The following GRM7 variants were observed in gnomAD, a reference collection of about 807,000 sequenced individuals.
GRM7 encodes the protein metabotropic glutamate receptor 7.
A neutral mutation model predicts 84.5 loss-of-function variants in GRM7; 35 were observed. The ratio of observed to expected loss-of-function variants is 0.41; its 90% confidence interval spans 0.32 to 0.55. The LOEUF (loss-of-function observed/expected upper bound fraction) is 0.55, where lower values mean the gene tolerates loss of function less well. Among genes scored for constraint, GRM7 ranks in the 20% least tolerant of loss-of-function variants. GRM7 has a pLI of 0.19. For missense variants in GRM7, 1,003 were observed against 1,194.6 expected, an observed-to-expected ratio of 0.84 and a Z score of 2.36; for synonymous variants, 487 against 455.1, an observed-to-expected ratio of 1.07 and a Z score of -0.89.
intron 9 of GRM7, among the ~76,000 whole-genome samples, chr3:7,692,897 T>C (rs1457812024): frequency 2.0e-5 from 3 of 152,092 alleles, no homozygotes; most frequent in African/African-American, 7.2e-5. Flanking sequence ...AAAGATTAGA[T>C]AGGTCCTCCA....
intron 9 of GRM7, among the ~76,000 whole-genome samples, chr3:7,730,417 G>A (rs1320405843): frequency 6.6e-6 from 1 of 152,178 alleles, no homozygotes; most frequent in Non-Finnish European, 1.5e-5. Context: ...CATCCCTATT[G>A]CCTAAAACAG....
intron 8 of GRM7, among the ~76,000 whole-genome samples, chr3:7,649,449 T>C (rs1361970010): frequency 6.6e-6 from 1 of 152,200 alleles, no homozygotes; most frequent in Non-Finnish European, 1.5e-5. Flanking sequence ...AAAATAAACC[T>C]TTTTGATGAA....
At chr3:7,677,117 C>T (rs1180621891) in intron 8 of GRM7, among the ~76,000 whole-genome samples, 2 of 151,878 alleles carry the variant, frequency 1.3e-5, no homozygotes, top group Non-Finnish European at 2.9e-5. Flanking sequence ...AAAAAATTAG[C>T]CGGGCGCGGT....
chr3:7,006,724 TATC>T (rs984059194), intron 1 of GRM7, among the ~76,000 whole-genome samples: 1 of 152,174 alleles, frequency 6.6e-6, no homozygotes, highest in African/African-American at 2.4e-5. Flanking sequence ...AAAAATAAAA[TATC>T]ATCACATAGA....
At chr3:7,679,039 C>A (rs1700251474) in intron 8 of GRM7, among the ~76,000 whole-genome samples, 1 of 152,122 alleles carries the variant, frequency 6.6e-6, no homozygotes, top group African/African-American at 2.4e-5. Flanking sequence ...GATCAAGATA[C>A]TGAGTGCATA....
intron 1 of GRM7, among the ~76,000 whole-genome samples, chr3:7,037,097 C>G (rs1696415348): frequency 6.6e-6 from 1 of 152,182 alleles, no homozygotes; most frequent in African/African-American, 2.4e-5. Flanking sequence ...ATACCTTTGG[C>G]CTTCGGTGAA....
rs949866165 is a variant in GRM7 at position 6,882,438 on chromosome 3, C to T, written c.519+20531C>T. 2.6e-5 allele frequency among the ~76,000 whole-genome samples: 4 copies of T among 152,114 alleles called. No homozygotes were observed. In the East Asian group the frequency reaches 5.8e-4, roughly 22 times the overall value. The stretch of plus-strand genomic sequence containing the variant: ...GCATTAGCTTTTAGTCCCAGCTACT[C>T]CAGAGCCTAAGGCTGCATGTTTGCT... On this transcript the variant is annotated intron_variant, in intron 1 of 9. Coordinates refer to ENST00000357716, the MANE Select transcript of GRM7 (RefSeq NM_000844.4).
At chr3:7,528,085 C>T (rs1464629893) in intron 7 of GRM7, among the ~76,000 whole-genome samples, 1 of 152,004 alleles carries the variant, frequency 6.6e-6, no homozygotes, top group Non-Finnish European at 1.5e-5. Context: ...GGTATAGTTT[C>T]CGTGGGATTG....
At chr3:7,712,527 T>C (rs540097242) in intron 9 of GRM7, among the ~76,000 whole-genome samples, 1 of 152,158 alleles carries the variant, frequency 6.6e-6, no homozygotes, top group African/African-American at 2.4e-5. Flanking sequence ...CTTTCCTGAA[T>C]TACAGTAGAT....
rs562216996 is a variant in GRM7 at position 7,220,200 on chromosome 3, G to A, written c.736+73532G>A. 2.2e-4 allele frequency among the ~76,000 whole-genome samples: 33 copies of A among 152,272 alleles called. No individual in the cohort carries two copies. In the South Asian group the frequency reaches 6.8e-3, roughly 32 times the overall value. ...AATTCCTTAATTGTGGGCTACACAT[G>A]GTGACTTCTTTTCAAAGAAGACTGC... On this transcript the variant is annotated intron_variant, in intron 2 of 9. Coordinates refer to ENST00000357716, the MANE Select transcript of GRM7 (RefSeq NM_000844.4).
At chr3:6,957,461 C>T (rs1184728114) in intron 1 of GRM7, among the ~76,000 whole-genome samples, 1 of 152,224 alleles carries the variant, frequency 6.6e-6, no homozygotes, top group East Asian at 1.9e-4. Flanking sequence ...ACTCTCAACA[C>T]TGACACAAAA....
chr3:7,550,571 C>CTGTGTGTG (rs776259677), intron 7 of GRM7, among the ~76,000 whole-genome samples: 2 of 87,228 alleles, frequency 2.3e-5, no homozygotes, highest in South Asian at 4.8e-4. Flanking sequence ...CTCTCTCTCT[C>CTGTGTGTG]TCTCTCTGTG....
intron 8 of GRM7, among the ~76,000 whole-genome samples, chr3:7,587,568 T>C (rs1695577640): frequency 6.6e-6 from 1 of 152,186 alleles, no homozygotes; most frequent in African/African-American, 2.4e-5. Context: ...TGTGCCCTAT[T>C]AAGGAGCATG....
intron 2 of GRM7, among the ~76,000 whole-genome samples, chr3:7,276,976 GGT>G (rs2124988657): frequency 6.6e-6 from 1 of 152,098 alleles, no homozygotes; most frequent in East Asian, 1.9e-4. Context: ...AGGGTTGGTT[GGT>G]TGTTTTCAAC....
At chr3:7,363,412 T>G (rs143003113) in intron 4 of GRM7, among the ~76,000 whole-genome samples, 1 of 152,050 alleles carries the variant, frequency 6.6e-6, no homozygotes, top group African/African-American at 2.4e-5. Flanking sequence ...ACCATTTGAA[T>G]CAGCATTACC....
intron 2 of GRM7, among the ~76,000 whole-genome samples, chr3:7,179,759 C>G (rs969303179): frequency 6.6e-6 from 1 of 152,156 alleles, no homozygotes; most frequent in Non-Finnish European, 1.5e-5. Flanking sequence ...AAACTTTGTA[C>G]ATGCCACTAA....
intron 2 of GRM7, among the ~76,000 whole-genome samples, chr3:7,270,175 GCATGTCGT>G (rs1698800860): frequency 6.6e-6 from 1 of 152,158 alleles, no homozygotes; most frequent in African/African-American, 2.4e-5. Context: ...TTAAATCTTA[GCATGTCGT>G]CATTTCTTTC....
At chr3:6,927,933 T>C (rs1697370439) in intron 1 of GRM7, among the ~76,000 whole-genome samples, 1 of 152,210 alleles carries the variant, frequency 6.6e-6, no homozygotes, top group Non-Finnish European at 1.5e-5. Flanking sequence ...TACATAGATT[T>C]CTGTTACTTC....
intron 2 of GRM7, among the ~76,000 whole-genome samples, chr3:7,150,388 G>A (rs7627599): frequency 3.8e-4 from 58 of 152,112 alleles, no homozygotes; most frequent in African/African-American, 1.4e-3. Context: ...CTGATAGAAC[G>A]AACCAAGACA....
Sources: gnomAD v4.1 joint callset for allele counts (sites outside exome capture counted in the v4.1 genomes callset) on GRCh38, gnomAD v4.1.1 for gene constraint, MANE v1.5 for transcripts, NCBI Gene and HGNC (gene_info 2026-07-23, HGNC 2026-07-21) for gene names.